Variants in S1PR2 observed in about 807,000 individuals in gnomAD.
S1PR2 encodes the protein sphingosine 1-phosphate receptor 2.
A neutral mutation model predicts 16.1 loss-of-function variants in S1PR2; 9 were observed. The observed-to-expected ratio is 0.56, with a 90% CI of 0.34 to 0.98. The LOEUF (loss-of-function observed/expected upper bound fraction) is 0.98, where lower values mean the gene tolerates loss of function less well. Ranked by LOEUF, S1PR2 falls within the 50% of genes least tolerant of loss-of-function variation. The probability of loss-of-function intolerance (pLI) is 0.02; values close to 1 mark genes in which losing one functional copy is unlikely to be tolerated. For missense variants in S1PR2, 361 were observed against 488.4 expected, an observed-to-expected ratio of 0.74 and a Z score of 2.46; for synonymous variants, 224 against 233.9, an observed-to-expected ratio of 0.96 and a Z score of 0.38.
In S1PR2 at chr19:10,223,934, G is replaced by C. The variant is rs370704501; in HGVS notation, c.972C>G (p.His324Gln). 6.2e-7 allele frequency: 1 copy of C among 1,604,028 alleles called. No homozygotes were observed. Among genetic ancestry groups the C allele is most frequent in the East Asian group, 2.2e-5 (1 of 44,752 alleles). The change falls in exon 2 of 2, where the codon CAC (histidine) becomes CAG (glutamine). Residue 324 changes from histidine to glutamine, a missense_variant. Physicochemically the swap from His to Gln is conservative, Grantham distance 24. Coordinates refer to ENST00000646641, the MANE Select transcript of S1PR2 (RefSeq NM_004230.4). ...GRRRGGTPGH[H>Q]LLPLRSSSSL... Reference sequence around the variant, plus strand: ...AGCTGGAGCTGCGGAGTGGCAGGAGGTGGTGGCCCGGGGTCCCGCCCCGCC... The same window carrying C: ...AGCTGGAGCTGCGGAGTGGCAGGAGCTGGTGGCCCGGGGTCCCGCCCCGCC...
chr19:10,230,013 G>C (rs2039660392), intron 1 of S1PR2, among the ~76,000 whole-genome samples: 1 of 152,068 alleles, frequency 6.6e-6, no homozygotes, highest in Non-Finnish European at 1.5e-5. Context: ...ATGAACAAAG[G>C]AGACCCTAGT....
intron 1 of S1PR2, among the ~76,000 whole-genome samples, chr19:10,228,014 G>T (rs2039646484): frequency 6.6e-6 from 1 of 151,900 alleles, no homozygotes; most frequent in South Asian, 2.1e-4. Flanking sequence ...TAAGAAATGT[G>T]TTTAGGCCGG....
At chr19:10,230,121 C>T (rs2145446267) in intron 1 of S1PR2, among the ~76,000 whole-genome samples, 1 of 152,356 alleles carries the variant, frequency 6.6e-6, no homozygotes, top group African/African-American at 2.4e-5. Flanking sequence ...GCCCCCATCG[C>T]CCACCATCAA....
rs762437563 is a variant in S1PR2, at chr19:10,223,963, G to A, written c.943C>T (p.Arg315Trp). ...TGGCCCGGGGTCCCGCCCCGCCTCC[G>A]TCCTTGCACCCCCACCCCCGGCCTC... is the stretch of plus-strand genomic sequence containing the variant. ...CWRPGVGVQG[R>W]RRGGTPGHHL... The change falls in exon 2 of 2, where the codon CGG (arginine) becomes TGG (tryptophan). Residue 315 changes from arginine (R) to tryptophan (W), a missense_variant. By Grantham distance (101) the Arg-to-Trp change is moderately radical. Coordinates refer to ENST00000646641, the MANE Select transcript of S1PR2 (RefSeq NM_004230.4). 2.4e-5 allele frequency: 39 copies of A among 1,607,538 alleles called. No individual in the cohort carries two copies. In the East Asian group the frequency reaches 5.1e-4, roughly 21 times the overall value.
rs746050596 is a variant in S1PR2, at chr19:10,224,411, C to G, written c.495G>C (p.Leu165=). The change falls in exon 2 of 2, where the codon CTG becomes CTC. Residue 165 remains leucine, a synonymous_variant. Transcript: ENST00000646641. ...CCAGGCAGTTCCAGCCAAGGATGGG[C>G]AGGCCACCGAGGACCAGCGAGATGA... is the stretch of plus-strand genomic sequence containing the variant. ...SWLISLVLGG[L]PILGWNCLGH... 1.2e-6 allele frequency: 2 copies of G among 1,613,620 alleles called. No homozygotes were observed. Among genetic ancestry groups the G allele is most frequent in the Non-Finnish European group, 1.7e-6 (2 of 1,180,004 alleles).
chr19:10,225,113 CAG>C (rs921103889), intron 1 of S1PR2, among the ~76,000 whole-genome samples, 166 bp from the exon 2 acceptor site: 16 of 152,256 alleles, frequency 1.1e-4, no homozygotes, highest in African/African-American at 3.6e-4. Flanking sequence ...ACGGGAAACC[CAG>C]AGAGATTAAT....
chr19:10,224,432 G>A lies in S1PR2; in HGVS notation c.474C>T (p.Ile158=), dbSNP rs766761324. Residue 158 remains isoleucine (I), a synonymous_variant, in exon 2 of 2, where the codon ATC becomes ATT. Coordinates refer to ENST00000646641, the MANE Select transcript of S1PR2 (RefSeq NM_004230.4). ...TGGGCAGGCCACCGAGGACCAGCGA[G>A]ATGAGCCACGAGGCCCCGATGAGCA... is the stretch of plus-strand genomic sequence containing the variant. ...MLLLIGASWL[I]SLVLGGLPIL... is the part of the protein sequence containing the mutation. 1 of 1,613,620 alleles carries A rather than the reference G, an allele frequency of 6.2e-7. No homozygotes were observed. The highest frequency in any genetic ancestry group is 1.7e-5 in the Admixed American group (1 of 60,032).
chr19:10,226,043 C>G (rs889060754), intron 1 of S1PR2, among the ~76,000 whole-genome samples: 4 of 134,020 alleles, frequency 3.0e-5, no homozygotes, highest in Non-Finnish European at 7.2e-5. Context: ...TTCCAGAAAC[C>G]TTGCCCACCT....
Position 10,225,367 on chromosome 19 carries a change from G to A in S1PR2, c.-42-420C>T, listed in dbSNP as rs1408474063. 6.8e-5 allele frequency among the ~76,000 whole-genome samples: 10 copies of A among 146,006 alleles called. No individual in the cohort carries two copies. In the East Asian group the frequency reaches 2.0e-3, roughly 29 times the overall value. Reference sequence around the variant, plus strand: ...CCTCCCACCTCAGCTTCAGCTACAAGCACATGCCACCACGCCTGGCTAATT... The same window carrying A: ...CCTCCCACCTCAGCTTCAGCTACAAACACATGCCACCACGCCTGGCTAATT... On this transcript the variant is annotated intron_variant, in intron 1 of 1. Transcript: ENST00000646641.
intron 1 of S1PR2, among the ~76,000 whole-genome samples, chr19:10,225,436 G>T (rs2039627811): frequency 8.8e-6 from 1 of 113,564 alleles, no homozygotes; most frequent in Non-Finnish European, 1.7e-5. Context: ...TCCCTCTGTT[G>T]CCAAGGCTGG....
At position 10,224,876 on chromosome 19, in the gene S1PR2, G is replaced by T. The variant is rs56357614; in HGVS notation, c.30C>A (p.Asn10Lys). The change falls in exon 2 of 2, where the codon AAC becomes AAA. Residue 10 changes from asparagine (N) to lysine (K), a missense_variant. Physicochemically the swap from Asn to Lys is moderately conservative, Grantham distance 94. Transcript: ENST00000646641. Reference protein sequence around the residue: MGSLYSEYLNPNKVQEHYNY... With the variant: MGSLYSEYLKPNKVQEHYNY... ...TATAGTGTTCCTGGACCTTGTTGGG[G>T]TTCAGGTACTCCGAGTACAAGCTGC... The T allele has an allele frequency of 0.011, 17,534 of 1,612,428 alleles. 140 individuals are homozygous for T. The highest frequency in any genetic ancestry group is 0.036 in the Middle Eastern group (218 of 6,062).
In S1PR2 at chr19:10,228,266, C is replaced by T. The variant is rs368884009; in HGVS notation, c.-43+2938G>A. On this transcript the variant is annotated intron_variant, in intron 1 of 1. Coordinates refer to ENST00000646641, the MANE Select transcript of S1PR2 (RefSeq NM_004230.4). Reference sequence around the variant, plus strand: ...GGCAGAGGTTGCAGTGAGCCAAGATCGCAGCCATTGCACTCCAGCCTGGGT... The same window carrying T: ...GGCAGAGGTTGCAGTGAGCCAAGATTGCAGCCATTGCACTCCAGCCTGGGT... Among the ~76,000 whole-genome samples the T allele has an allele frequency of 3.9e-5, 6 of 152,030 alleles. No individual in the cohort carries two copies. The East Asian group carries it at 7.7e-4, about 20-fold the overall frequency.
chr19:10,230,672 C>T (rs1270157055), intron 1 of S1PR2, among the ~76,000 whole-genome samples: 1 of 152,376 alleles, frequency 6.6e-6, no homozygotes, highest in Admixed American at 6.5e-5. Flanking sequence ...CACGCAGTCA[C>T]TTTCTCTTTC....
At chr19:10,230,522 C>G (rs539239874) in intron 1 of S1PR2, 1 of 154,600 alleles carries the variant, frequency 6.5e-6, no homozygotes, top group South Asian at 2.0e-4. Context: ...GGTGGAAATC[C>G]CCGGGTGAGT....
At chr19:10,229,797 G>A (rs901181360) in intron 1 of S1PR2, among the ~76,000 whole-genome samples, 1 of 152,098 alleles carries the variant, frequency 6.6e-6, no homozygotes, top group Non-Finnish European at 1.5e-5. Flanking sequence ...TCTAATCACA[G>A]AATCTCGTTT....
chr19:10,229,674 G>A (rs1281997177), intron 1 of S1PR2, among the ~76,000 whole-genome samples: 1 of 152,108 alleles, frequency 6.6e-6, no homozygotes, highest in Non-Finnish European at 1.5e-5. Context: ...CACCCATGGA[G>A]CCCGTGGTAG....
In S1PR2 at chr19:10,223,969, G is replaced by T. The variant is rs1401031585; in HGVS notation, c.937C>A (p.Gln313Lys). The T allele has an allele frequency of 1.2e-6, 2 of 1,608,738 alleles. No individual in the cohort carries two copies. The highest frequency in any genetic ancestry group is 2.7e-5 in the African/African-American group (2 of 74,776). Residue 313 changes from glutamine to lysine, a missense_variant, in exon 2 of 2, where the codon CAA becomes AAA. Physicochemically the swap from Gln to Lys is moderately conservative, Grantham distance 53. Coordinates refer to ENST00000646641, the MANE Select transcript of S1PR2 (RefSeq NM_004230.4). ...GGGGTCCCGCCCCGCCTCCGTCCTT[G>T]CACCCCCACCCCCGGCCTCCAGCAC... ...LQCWRPGVGV[Q>K]GRRRGGTPGH...
Position 10,223,443 on chromosome 19 carries a change from G to T in S1PR2, c.*401C>A, listed in dbSNP as rs534824645. ...GGAGCTTGCGGTGAGCCGAGATCAC[G>T]CCACTGCACTCCAGCCTGGGCAGCA... On this transcript the variant is annotated 3_prime_UTR_variant, in exon 2 of 2. Coordinates refer to ENST00000646641, the MANE Select transcript of S1PR2 (RefSeq NM_004230.4). 67 of 165,492 alleles carry T rather than the reference G, an allele frequency of 4.0e-4. No homozygotes were observed. The highest frequency in any genetic ancestry group is 6.1e-4 in the Admixed American group (10 of 16,476). 10.3% of individuals were successfully genotyped at this position (165,492 alleles called of 1,614,324 possible). A position where few individuals can be genotyped will look rare whatever the true frequency, so the allele number is the denominator to read the frequency against.
At chr19:10,225,575 T>C (rs2039629065) in intron 1 of S1PR2, among the ~76,000 whole-genome samples, 1 of 151,696 alleles carries the variant, frequency 6.6e-6, no homozygotes, top group African/African-American at 2.4e-5. Flanking sequence ...TTTTTTTTTA[T>C]TTTTAGTAGA....
Sources: allele counts gnomAD v4.1 joint callset (sites outside exome capture counted in the v4.1 genomes callset), GRCh38; gene constraint gnomAD v4.1.1; transcripts MANE v1.5; gene names NCBI Gene and HGNC (gene_info 2026-07-23, HGNC 2026-07-21).